Variants in NELL1 observed in about 807,000 individuals in gnomAD.
NELL1 encodes neural EGFL like 1, also known as protein kinase C-binding protein NELL1.
Under a neutral mutation model 107.4 loss-of-function variants are expected in NELL1, and 76 were observed. The ratio of observed to expected loss-of-function variants is 0.71; its 90% CI spans 0.59 to 0.86. NELL1 has a LOEUF of 0.86. NELL1 is among the 40% of genes least tolerant of loss of function. The pLI is 0.00. For synonymous variants in NELL1, 353 were observed against 341.2 expected, an observed-to-expected ratio of 1.03 and a Z score of -0.38; for missense variants, 1,024 against 1,005.5, an observed-to-expected ratio of 1.02 and a Z score of -0.25.
intron 2 of NELL1, among the ~76,000 whole-genome samples, chr11:20,753,562 G>C (rs760458278): frequency 4.0e-5 from 6 of 151,668 alleles, no homozygotes; most frequent in Non-Finnish European, 8.8e-5. Flanking sequence ...TTAGGTGCCG[G>C]TCTCCTTCAT....
chr11:21,320,131 G>A (rs547952379), intron 14 of NELL1, among the ~76,000 whole-genome samples: 93 of 152,130 alleles, frequency 6.1e-4, no homozygotes, highest in African/African-American at 2.1e-3. Context: ...TGTTTCAGTG[G>A]GATGGTTCAT....
At chr11:21,267,146 A>G (rs1426053949) in intron 14 of NELL1, among the ~76,000 whole-genome samples, 2 of 152,116 alleles carry the variant, frequency 1.3e-5, no homozygotes, top group Non-Finnish European at 2.9e-5. Context: ...GAAAATGTAT[A>G]TGCATCTACA....
At chr11:21,186,195 A>G (rs759609067) in intron 13 of NELL1, among the ~76,000 whole-genome samples, 62 of 151,802 alleles carry the variant, frequency 4.1e-4, no homozygotes, top group Non-Finnish European at 7.9e-4. Context: ...ATTTTACTGG[A>G]CATGTTAAAA....
At chr11:20,786,060 G>A (rs1856948571) in intron 3 of NELL1, among the ~76,000 whole-genome samples, 1 of 149,014 alleles carries the variant, frequency 6.7e-6, no homozygotes, top group Non-Finnish European at 1.5e-5. Flanking sequence ...TTTTGAGAAA[G>A]GGAGAAGAGG....
chr11:21,007,273 T>A (rs1409713584), intron 12 of NELL1, among the ~76,000 whole-genome samples: 3 of 152,096 alleles, frequency 2.0e-5, no homozygotes, highest in Non-Finnish European at 4.4e-5. Context: ...ACCTTTAAAC[T>A]TGCTACAAAT....
At chr11:20,673,119 C>T (rs1447345367) in intron 1 of NELL1, among the ~76,000 whole-genome samples, 2 of 152,008 alleles carry the variant, frequency 1.3e-5, no homozygotes, top group African/African-American at 4.8e-5. Flanking sequence ...GCCTCGGCTT[C>T]CCAAAGTGCT....
intron 12 of NELL1, among the ~76,000 whole-genome samples, chr11:21,028,860 GTTA>G (rs1852884727): frequency 6.6e-6 from 1 of 152,098 alleles, no homozygotes; most frequent in African/African-American, 2.4e-5. Context: ...AAGCTCTCAA[GTTA>G]TTATTATTTT....
intron 2 of NELL1, among the ~76,000 whole-genome samples, chr11:20,758,022 A>G (rs2133954071): frequency 6.6e-6 from 1 of 152,260 alleles, no homozygotes; most frequent in Admixed American, 6.5e-5. Flanking sequence ...TTCACATGGC[A>G]GAGAGAGAGG....
chr11:20,790,227 T>C (rs1191483607), intron 3 of NELL1, among the ~76,000 whole-genome samples: 1 of 152,122 alleles, frequency 6.6e-6, no homozygotes, highest in African/African-American at 2.4e-5. Context: ...AGACTGCAGG[T>C]GCCAAGGGAT....
chr11:21,546,274 T>G (rs1223845752), intron 16 of NELL1, among the ~76,000 whole-genome samples: 1 of 152,048 alleles, frequency 6.6e-6, no homozygotes, highest in African/African-American at 2.4e-5. Context: ...GAGCACTCCT[T>G]GATATTGAAT....
intron 15 of NELL1, among the ~76,000 whole-genome samples, chr11:21,529,914 T>C (rs1436251529): frequency 6.6e-6 from 1 of 152,172 alleles, no homozygotes; most frequent in African/African-American, 2.4e-5. Context: ...AAATAATTAT[T>C]AGTGCATTAT....
chr11:21,443,516 A>T (rs1037382006), intron 15 of NELL1, among the ~76,000 whole-genome samples: 4 of 111,900 alleles, frequency 3.6e-5, no homozygotes, highest in Non-Finnish European at 7.0e-5. Flanking sequence ...AATATCCATA[A>T]AATTGAGGCT....
intron 12 of NELL1, among the ~76,000 whole-genome samples, chr11:21,092,236 TA>T (rs1292314901): frequency 6.6e-6 from 1 of 152,106 alleles, no homozygotes; most frequent in Non-Finnish European, 1.5e-5. Flanking sequence ...TATTCATGGT[TA>T]GTAGAAGGAC....
intron 15 of NELL1, among the ~76,000 whole-genome samples, chr11:21,417,215 C>G (rs1852539403): frequency 6.6e-6 from 1 of 152,000 alleles, no homozygotes; most frequent in African/African-American, 2.4e-5. Context: ...TCTCCTCTCC[C>G]TTTTATTTCT....
At chr11:21,571,059 C>G (rs540362010) in intron 18 of NELL1, 119 bp downstream of exon 18, 1 of 841,586 alleles carries the variant, frequency 1.2e-6, no homozygotes, top group East Asian at 2.5e-5. Flanking sequence ...CTCTGTGGGG[C>G]CTGTGGCTAA....
At chr11:21,142,097 A>G (rs1425474591) in intron 13 of NELL1, among the ~76,000 whole-genome samples, 2 of 152,120 alleles carry the variant, frequency 1.3e-5, no homozygotes, top group Non-Finnish European at 2.9e-5. Context: ...TCTCCTATCA[A>G]TCTTGAGTAA....
intron 2 of NELL1, among the ~76,000 whole-genome samples, chr11:20,747,059 C>A (rs1168903544): frequency 6.6e-6 from 1 of 152,126 alleles, no homozygotes; most frequent in African/African-American, 2.4e-5. Context: ...CAATTACATG[C>A]CTGACTTCCT....
intron 12 of NELL1, among the ~76,000 whole-genome samples, chr11:21,073,725 A>G (rs901776040): frequency 5.3e-5 from 8 of 152,184 alleles, no homozygotes; most frequent in African/African-American, 1.4e-4. Context: ...TGAAGGAAGT[A>G]AAATGAAAAC....
At chr11:21,017,642 TAA>T (rs1852599180) in intron 12 of NELL1, among the ~76,000 whole-genome samples, 1 of 152,114 alleles carries the variant, frequency 6.6e-6, no homozygotes, top group African/African-American at 2.4e-5. Flanking sequence ...ATATACTTCT[TAA>T]TATTTTGTGT....
Sources: gnomAD v4.1 joint callset for allele counts (sites outside exome capture counted in the v4.1 genomes callset) on GRCh38, gnomAD v4.1.1 for gene constraint, MANE v1.5 for transcripts, NCBI Gene and HGNC (gene_info 2026-07-23, HGNC 2026-07-21) for gene names.